Variants in TECPR2 observed in about 807,000 individuals in gnomAD.
TECPR2 encodes the protein tectonin beta-propeller repeat containing 2.
Under a neutral mutation model 138.1 loss-of-function variants are expected in TECPR2, and 65 were observed. That is an observed-to-expected ratio of 0.47 (90% confidence interval 0.39 to 0.58). TECPR2 has a LOEUF of 0.58. Among genes scored for constraint, TECPR2 ranks in the 20% least tolerant of loss-of-function variants. The pLI is 0.00. For missense variants in TECPR2, 1,553 were observed against 1,824.5 expected (o/e 0.85, Z 2.71); for synonymous variants, 746 against 749.8 (o/e 0.99, Z 0.08).
At position 102,428,248 on chromosome 14, in the gene TECPR2, A is replaced by G; in HGVS notation, c.952-2A>G. On this transcript the variant is annotated splice_acceptor_variant, in intron 6 of 19. Transcript: ENST00000359520. LOFTEE classifies it high-confidence loss of function. ...TTTTTTTTTTTTTTTTTTTTTTGAC[A>G]GGCCACAGTTGCTGGTTTGGAAGGA... is the stretch of plus-strand genomic sequence containing the variant. 7.4e-7 allele frequency: 1 copy of G among 1,355,592 alleles called. No homozygotes were observed. The highest frequency in any genetic ancestry group is 9.5e-7 in the Non-Finnish European group (1 of 1,050,924). 84.0% of individuals were successfully genotyped at this position (1,355,592 alleles called of 1,614,324 possible). A position where few individuals can be genotyped will look rare whatever the true frequency, so the allele number is the denominator to read the frequency against.
chr14:102,409,685 C>T (rs144271463), intron 4 of TECPR2, among the ~76,000 whole-genome samples: 175 of 152,320 alleles, frequency 1.1e-3, no homozygotes, highest in Middle Eastern at 3.4e-3. Context: ...TAGTAGTTCT[C>T]AAGCTTTGTA....
intron 5 of TECPR2, among the ~76,000 whole-genome samples, chr14:102,418,666 C>G (rs936589633): frequency 2.0e-4 from 31 of 152,146 alleles, no homozygotes; most frequent in African/African-American, 6.3e-4. Flanking sequence ...AGGGCTGTGG[C>G]CAAGCCAGGG....
At position 102,497,189 on chromosome 14, in the gene TECPR2, G is replaced by A. The variant is rs994580073; in HGVS notation, c.3931+69G>A. The stretch of plus-strand genomic sequence containing the variant: ...CTACCATCACTGGGGGCTGCTGGGC[G>A]CTCCCTCCAGGCCGCTGTCTGTGAG... On this transcript the variant is annotated intron_variant, in intron 18 of 19. Transcript: ENST00000359520. The A allele has an allele frequency of 5.2e-5, 81 of 1,557,392 alleles. 1 individual carries two copies. In the African/African-American group the frequency reaches 5.4e-4, roughly 10 times the overall value.
At chr14:102,404,096 G>A (rs1364343694) in intron 2 of TECPR2, among the ~76,000 whole-genome samples, 1 of 150,904 alleles carries the variant, frequency 6.6e-6, no homozygotes, top group Non-Finnish European at 1.5e-5. Flanking sequence ...TAGAGATGGG[G>A]TCTCACTATG....
intron 2 of TECPR2, among the ~76,000 whole-genome samples, chr14:102,379,616 T>C (rs1008717567): frequency 9.3e-5 from 14 of 150,062 alleles, no homozygotes; most frequent in East Asian, 2.0e-4. Context: ...TTAAAATCCA[T>C]GCACAGAGGC....
Position 102,468,797 on chromosome 14 carries a change from T to C in TECPR2, c.3789+3508T>C, listed in dbSNP as rs146720761. On this transcript the variant is annotated intron_variant, in intron 17 of 19. Transcript: ENST00000359520. ...GTTGATTTTTGAATATGGTATGAGA[T>C]AGGTGTCCAAATGCATTCTTTTACA... 2.1e-3 allele frequency among the ~76,000 whole-genome samples: 323 copies of C among 152,360 alleles called. 9 individuals are homozygous for C. Among genetic ancestry groups the C allele is most frequent in the Admixed American group, 0.019 (295 of 15,302 alleles).
At chr14:102,483,147 G>A (rs1242457641) in intron 17 of TECPR2, among the ~76,000 whole-genome samples, 13 of 152,048 alleles carry the variant, frequency 8.5e-5, no homozygotes, top group South Asian at 4.1e-4. Flanking sequence ...CACCTCGCCC[G>A]GCCCAGAAGC....
chr14:102,418,320 T>C (rs1315937939), intron 5 of TECPR2, among the ~76,000 whole-genome samples: 2 of 152,142 alleles, frequency 1.3e-5, no homozygotes, highest in East Asian at 3.9e-4. Flanking sequence ...GCAGAACAGA[T>C]CTCTAATCTC....
chr14:102,439,196 C>T (rs1301069021), intron 10 of TECPR2, among the ~76,000 whole-genome samples: 8 of 152,084 alleles, frequency 5.3e-5, no homozygotes, highest in African/African-American at 1.7e-4. Context: ...GTGTTGGCCA[C>T]GTCGGCACCT....
rs184323218 is a variant in TECPR2 at position 102,401,452 on chromosome 14, A to C, written c.220-5886A>C. Among the ~76,000 whole-genome samples the C allele has an allele frequency of 5.6e-3, 845 of 151,204 alleles. 9 individuals are homozygous for C. The highest frequency in any genetic ancestry group is 0.019 in the African/African-American group (770 of 41,180). ...AAAACTCCATCTCAAAAAAAAAAAA[A>C]AAAACAAAAAACAATCCTACTATAT... On this transcript the variant is annotated intron_variant, in intron 2 of 19. Coordinates refer to ENST00000359520, the MANE Select transcript of TECPR2 (RefSeq NM_014844.5).
At chr14:102,465,451 C>T (rs1890533753) in intron 17 of TECPR2, 162 bp downstream of exon 17, 2 of 1,408,038 alleles carry the variant, frequency 1.4e-6, no homozygotes, top group Non-Finnish European at 1.8e-6. Context: ...AACATCACAA[C>T]TGGAATTCGG....
At chr14:102,398,164 C>T (rs1888371809) in intron 2 of TECPR2, among the ~76,000 whole-genome samples, 1 of 150,968 alleles carries the variant, frequency 6.6e-6, no homozygotes, top group Admixed American at 6.6e-5. Context: ...GATAGAAACC[C>T]TAAAAAGAAA....
chr14:102,440,662 C>A, intron 11 of TECPR2, 53 bp downstream of exon 11: 1 of 1,574,134 alleles, frequency 6.4e-7, no homozygotes, highest in Non-Finnish European at 8.6e-7. Flanking sequence ...ACTGCCTCTG[C>A]TGCACCCTGC....
At chr14:102,393,668 C>T (rs1888238727) in intron 2 of TECPR2, among the ~76,000 whole-genome samples, 1 of 152,170 alleles carries the variant, frequency 6.6e-6, no homozygotes, top group Non-Finnish European at 1.5e-5. Context: ...AAGCGATTCT[C>T]CTGCCTCAGC....
intron 6 of TECPR2, 73 bp downstream of exon 6, chr14:102,425,364 CAG>C (rs1363744522): frequency 1.6e-5 from 23 of 1,450,022 alleles, no homozygotes; most frequent in Non-Finnish European, 2.1e-5. Context: ...CTGTTCTACT[CAG>C]GGACCTCAGA....
intron 17 of TECPR2, among the ~76,000 whole-genome samples, chr14:102,477,730 T>G (rs1890796945): frequency 7.2e-6 from 1 of 139,778 alleles, no homozygotes; most frequent in Non-Finnish European, 1.5e-5. Context: ...TTTTTTTTTT[T>G]TTTGTATTTT....
intron 2 of TECPR2, among the ~76,000 whole-genome samples, chr14:102,395,853 A>G (rs1567322734): frequency 6.6e-6 from 1 of 152,194 alleles, no homozygotes; most frequent in Non-Finnish European, 1.5e-5. Context: ...CTTTAATAGG[A>G]TTATTGATCT....
intron 17 of TECPR2, among the ~76,000 whole-genome samples, chr14:102,493,136 C>T (rs1009590142): frequency 5.3e-5 from 8 of 152,244 alleles, no homozygotes; most frequent in Non-Finnish European, 7.3e-5. Flanking sequence ...ATCTCCTCCT[C>T]TCTCCATCAT....
intron 17 of TECPR2, among the ~76,000 whole-genome samples, chr14:102,473,960 C>G (rs1890700479): frequency 6.6e-6 from 1 of 152,196 alleles, no homozygotes; most frequent in African/African-American, 2.4e-5. Flanking sequence ...TAAAACAAAA[C>G]TATAAAATCC....
Sources: gnomAD v4.1 joint callset for allele counts (sites outside exome capture counted in the v4.1 genomes callset) on GRCh38, gnomAD v4.1.1 for gene constraint, MANE v1.5 for transcripts, NCBI Gene and HGNC (gene_info 2026-07-23, HGNC 2026-07-21) for gene names.